Variants in BEND7 observed in about 807,000 individuals in gnomAD.
BEND7 encodes the protein BEN domain containing 7.
In BEND7, 28 loss-of-function variants were observed where a neutral mutation model predicts 50.9. The observed-to-expected ratio is 0.55, with a 90% confidence interval of 0.41 to 0.75. The LOEUF (loss-of-function observed/expected upper bound fraction) is 0.75. Among genes scored for constraint, BEND7 ranks in the 30% least tolerant of loss-of-function variants. The pLI is 0.00. For missense variants in BEND7, 477 were observed against 491.3 expected (o/e 0.97, Z 0.28); for synonymous variants, 170 against 183.9 (o/e 0.92, Z 0.61).
intron 2 of BEND7, among the ~76,000 whole-genome samples, chr10:13,508,613 G>A (rs2078063512): frequency 6.6e-6 from 1 of 152,170 alleles, no homozygotes; most frequent in South Asian, 2.1e-4. Flanking sequence ...ACTACAGATA[G>A]AAAATAATTA....
intron 5 of BEND7, among the ~76,000 whole-genome samples, chr10:13,489,243 T>G (rs2076473804): frequency 6.6e-6 from 1 of 152,294 alleles, no homozygotes; most frequent in South Asian, 2.1e-4. Flanking sequence ...CCAGGCAGCC[T>G]GACCTAAGAG....
At chr10:13,491,602 A>G (rs1418965933) in intron 5 of BEND7, among the ~76,000 whole-genome samples, 1 of 151,776 alleles carries the variant, frequency 6.6e-6, no homozygotes, top group Non-Finnish European at 1.5e-5. Flanking sequence ...ACCGAGAATT[A>G]GGTAAAAGTT....
In BEND7 at chr10:13,471,780, G is replaced by A. The variant is rs557543270; in HGVS notation, c.1063+9119C>T. ...TGGAGCCACCTTCAGAAAACCAGGT[G>A]CTTGACAGAAACAGCTGAAGGAGCC... On this transcript the variant is annotated intron_variant, in intron 6 of 8. Coordinates refer to ENST00000466271, the MANE Select transcript of BEND7 (RefSeq NM_001369863.1). Among the ~76,000 whole-genome samples, 3 of 152,340 alleles carry A rather than the reference G, an allele frequency of 2.0e-5. No individual in the cohort carries two copies. The East Asian group carries it at 5.8e-4, about 29-fold the overall frequency.
At position 13,474,096 on chromosome 10, in the gene BEND7, C is replaced by G. The variant is rs75312828; in HGVS notation, c.1063+6803G>C. On this transcript the variant is annotated intron_variant, in intron 6 of 8. Coordinates refer to ENST00000466271, the MANE Select transcript of BEND7 (RefSeq NM_001369863.1). ...ATCACTGTTAGACACAGGGCCGATA[C>G]CTGTCATTGCTGTTAGACTCAGGGC... is the stretch of plus-strand genomic sequence containing the variant. Among the ~76,000 whole-genome samples the G allele has an allele frequency of 5.7e-4, 86 of 151,560 alleles. 2 individuals are homozygous for G. In the South Asian group the frequency reaches 0.01, roughly 18 times the overall value.
rs983939415 is a variant in BEND7 at position 13,507,924 on chromosome 10, T to C, written c.146-7844A>G. Among the ~76,000 whole-genome samples, 3 of 152,208 alleles carry C rather than the reference T, an allele frequency of 2.0e-5. No homozygotes were observed. In the East Asian group the frequency reaches 5.8e-4, roughly 29 times the overall value. ...AGTTTATCAGTGAGAAATAATAAGA[T>C]GACCAGGATTATACTATATGGTCCA... is the stretch of plus-strand genomic sequence containing the variant. On this transcript the variant is annotated intron_variant, in intron 2 of 8. Transcript: ENST00000466271.
intron 2 of BEND7, among the ~76,000 whole-genome samples, chr10:13,512,723 A>G (rs1176753657): frequency 2.6e-5 from 4 of 152,210 alleles, no homozygotes. Context: ...AGTCATTTAA[A>G]TTTTTAAAAT....
At chr10:13,466,815 G>A (rs975572494) in intron 6 of BEND7, among the ~76,000 whole-genome samples, 1 of 152,134 alleles carries the variant, frequency 6.6e-6, no homozygotes, top group Non-Finnish European at 1.5e-5. Flanking sequence ...TTTCTAAAGC[G>A]AGGGTTTTTC....
At chr10:13,529,466 G>A (rs2079588758), upstream of BEND7, among the ~76,000 whole-genome samples, 1 of 152,146 alleles carries the variant, frequency 6.6e-6, no homozygotes. Flanking sequence ...CAGAGAGGAG[G>A]TTTTAGAATA....
At chr10:13,500,797 G>A (rs2077386221) in intron 2 of BEND7, 1 of 985,364 alleles carries the variant, frequency 1.0e-6, no homozygotes, top group Non-Finnish European at 1.2e-6. Context: ...GATGACCGAG[G>A]GGTCCCTGCC....
intron 6 of BEND7, among the ~76,000 whole-genome samples, chr10:13,472,124 T>C (rs1423924660): frequency 6.6e-6 from 1 of 151,688 alleles, no homozygotes; most frequent in Non-Finnish European, 1.5e-5. Context: ...GACTTGGGGT[T>C]GATACCCATC....
At chr10:13,528,081 G>A (rs1264913128) in intron 1 of BEND7, among the ~76,000 whole-genome samples, 1 of 152,080 alleles carries the variant, frequency 6.6e-6, no homozygotes, top group Non-Finnish European at 1.5e-5. Context: ...TCTCTTGGCG[G>A]GGGGAAGGGG....
At chr10:13,475,601 G>A (rs993625322) in intron 6 of BEND7, among the ~76,000 whole-genome samples, 2 of 152,148 alleles carry the variant, frequency 1.3e-5, no homozygotes, top group African/African-American at 4.8e-5. Context: ...AAAAATTGAT[G>A]TATAGCTATA....
intron 5 of BEND7, among the ~76,000 whole-genome samples, chr10:13,491,759 T>C (rs2076679813): frequency 6.6e-6 from 1 of 152,182 alleles, no homozygotes; most frequent in Non-Finnish European, 1.5e-5. Flanking sequence ...AGCAATTTGT[T>C]TCCTACTTAA....
intron 6 of BEND7, among the ~76,000 whole-genome samples, chr10:13,468,155 T>G (rs762452312): frequency 2.6e-5 from 4 of 152,004 alleles, no homozygotes; most frequent in Non-Finnish European, 5.9e-5. Flanking sequence ...TCCATAGAAG[T>G]CATCAATAGC....
intron 7 of BEND7, among the ~76,000 whole-genome samples, chr10:13,450,026 G>C (rs769897606): frequency 2.0e-5 from 3 of 152,180 alleles, no homozygotes; most frequent in African/African-American, 7.2e-5. Context: ...ACGATATATT[G>C]TGATTTCAGC....
chr10:13,517,713 C>T (rs1218275057), intron 2 of BEND7, among the ~76,000 whole-genome samples: 1 of 152,152 alleles, frequency 6.6e-6, no homozygotes, highest in Admixed American at 6.5e-5. Context: ...CACTGCACTC[C>T]AGCCAGGGCA....
At chr10:13,499,496 T>C (rs1461699774) in intron 3 of BEND7, among the ~76,000 whole-genome samples, 4 of 152,164 alleles carry the variant, frequency 2.6e-5, no homozygotes, top group South Asian at 2.1e-4. Flanking sequence ...ATAATATCCA[T>C]ACATGGGCAC....
chr10:13,476,675 C>A (rs909328168), intron 6 of BEND7, among the ~76,000 whole-genome samples: 1 of 152,184 alleles, frequency 6.6e-6, no homozygotes, highest in Non-Finnish European at 1.5e-5. Context: ...TATATCACAG[C>A]AAGAACTAGA....
intron 2 of BEND7, among the ~76,000 whole-genome samples, chr10:13,523,236 C>G (rs1033056334): frequency 2.0e-5 from 3 of 152,220 alleles, no homozygotes; most frequent in Non-Finnish European, 1.5e-5. Context: ...TCACAGCCAG[C>G]TTGAGAAAGT....
Sources: gnomAD v4.1 joint callset for allele counts (sites outside exome capture counted in the v4.1 genomes callset) on GRCh38, gnomAD v4.1.1 for gene constraint, MANE v1.5 for transcripts, NCBI Gene and HGNC (gene_info 2026-07-23, HGNC 2026-07-21) for gene names.